The following BBS9 variants were observed in gnomAD, a reference collection of about 807,000 sequenced individuals.
The protein encoded by BBS9 is protein PTHB1.
Under a neutral mutation model 117.7 loss-of-function variants are expected in BBS9, and 89 were observed. That is an observed-to-expected ratio of 0.76 (90% CI 0.64 to 0.90). The LOEUF (loss-of-function observed/expected upper bound fraction) is 0.90. Ranked by LOEUF, BBS9 falls within the 40% of genes least tolerant of loss-of-function variation. The probability of loss-of-function intolerance (pLI) is 0.00; values close to 1 mark genes in which losing one functional copy is unlikely to be tolerated. For synonymous variants in BBS9, 379 were observed against 370.9 expected, an observed-to-expected ratio of 1.02 and a Z score of -0.25; for missense variants, 982 against 1,042.2, an observed-to-expected ratio of 0.94 and a Z score of 0.80.
At chr7:33,130,832 A>AT (rs1250112927) in intron 1 of BBS9, among the ~76,000 whole-genome samples, 1 of 152,066 alleles carries the variant, frequency 6.6e-6, no homozygotes, top group Non-Finnish European at 1.5e-5. Context: ...AGTTTAAGGG[A>AT]TTTTTCCTTG....
chr7:33,605,055 A>G, intron 22 of BBS9, 80 bp downstream of exon 22: 1 of 1,467,178 alleles, frequency 6.8e-7, no homozygotes, highest in Non-Finnish European at 9.6e-7. Context: ...CATACCAGAG[A>G]GCATTCCGCA....
intron 5 of BBS9, among the ~76,000 whole-genome samples, chr7:33,230,225 CT>C (rs1223294895): frequency 6.6e-6 from 1 of 151,962 alleles, no homozygotes; most frequent in East Asian, 1.9e-4. Context: ...TGATTGTTTC[CT>C]TTGCTGTATA....
intron 20 of BBS9, among the ~76,000 whole-genome samples, chr7:33,526,749 G>A (rs538308416): frequency 1.4e-4 from 21 of 151,324 alleles, no homozygotes; most frequent in African/African-American, 3.7e-4. Flanking sequence ...CTCTCAGCTC[G>A]TCAAAGTCAT....
At position 33,372,267 on chromosome 7, in the gene BBS9, A is replaced by G. The variant is rs370201143; in HGVS notation, c.1789+4405A>G. Reference sequence around the variant, plus strand: ...CAATGGGGACAAAGATTTCAAGAAAATGAGGTATCACAGTTGTGGATATTG... The same window carrying G: ...CAATGGGGACAAAGATTTCAAGAAAGTGAGGTATCACAGTTGTGGATATTG... On this transcript the variant is annotated intron_variant, in intron 17 of 22. Coordinates refer to ENST00000242067, the MANE Select transcript of BBS9 (RefSeq NM_198428.3). Among the ~76,000 whole-genome samples, 6 of 152,276 alleles carry G rather than the reference A, an allele frequency of 3.9e-5. No homozygotes were observed. In the East Asian group the frequency reaches 7.7e-4, roughly 20 times the overall value.
chr7:33,406,336 G>T (rs1584694653), intron 19 of BBS9, among the ~76,000 whole-genome samples: 1 of 152,160 alleles, frequency 6.6e-6, no homozygotes, highest in Non-Finnish European at 1.5e-5. Context: ...GGGGTGGAGA[G>T]TTCTGTAGAT....
At chr7:33,407,823 G>T (rs186508966) in intron 19 of BBS9, among the ~76,000 whole-genome samples, 1 of 152,356 alleles carries the variant, frequency 6.6e-6, no homozygotes, top group African/African-American at 2.4e-5. Context: ...ACCCGGCCAT[G>T]TGAGGTGTCA....
intron 21 of BBS9, among the ~76,000 whole-genome samples, chr7:33,582,786 A>G (rs1860204912): frequency 6.6e-6 from 1 of 152,082 alleles, no homozygotes; most frequent in Non-Finnish European, 1.5e-5. Flanking sequence ...ACTTTTCTTA[A>G]TTTAAACTTG....
chr7:33,476,413 A>G (rs1841812466), intron 19 of BBS9, among the ~76,000 whole-genome samples: 1 of 152,216 alleles, frequency 6.6e-6, no homozygotes, highest in Non-Finnish European at 1.5e-5. Context: ...GCTGGGAGGC[A>G]CTGGGAGGAG....
intron 20 of BBS9, among the ~76,000 whole-genome samples, chr7:33,521,811 A>C (rs1394832956): frequency 2.0e-5 from 3 of 151,200 alleles, no homozygotes; most frequent in African/African-American, 4.9e-5. Flanking sequence ...TTAGTTACAT[A>C]TGTATACATG....
At chr7:33,210,317 G>A (rs1787772180) in intron 5 of BBS9, among the ~76,000 whole-genome samples, 1 of 152,306 alleles carries the variant, frequency 6.6e-6, no homozygotes, top group Admixed American at 6.5e-5. Flanking sequence ...CTAACATATG[G>A]TCTGTCCTTG....
chr7:33,415,408 G>A (rs575138959), intron 19 of BBS9, among the ~76,000 whole-genome samples: 3 of 152,174 alleles, frequency 2.0e-5, no homozygotes, highest in South Asian at 2.1e-4. Context: ...CTTGGTCTTG[G>A]ATTGAGAGCT....
intron 5 of BBS9, among the ~76,000 whole-genome samples, chr7:33,225,959 A>G (rs1476037146): frequency 6.6e-6 from 1 of 152,192 alleles, no homozygotes; most frequent in Admixed American, 6.5e-5. Flanking sequence ...ATATGCACAC[A>G]TTTGTATATA....
intron 19 of BBS9, among the ~76,000 whole-genome samples, chr7:33,403,975 C>T (rs2128798835): frequency 6.6e-6 from 1 of 152,302 alleles, no homozygotes; most frequent in Non-Finnish European, 1.5e-5. Flanking sequence ...TCTCCAGCAC[C>T]TGTTGTTTCC....
chr7:33,502,735 C>G (rs891276508), intron 19 of BBS9, among the ~76,000 whole-genome samples: 1 of 152,106 alleles, frequency 6.6e-6, no homozygotes, highest in Non-Finnish European at 1.5e-5. Flanking sequence ...GTAGTATGCC[C>G]ATCTCTGAAC....
chr7:33,286,476 CAT>C (rs1285685098), intron 9 of BBS9, among the ~76,000 whole-genome samples: 2 of 152,128 alleles, frequency 1.3e-5, no homozygotes, highest in Non-Finnish European at 2.9e-5. Flanking sequence ...TTAGAAAACA[CAT>C]GTGATTTAAC....
At position 33,344,650 on chromosome 7, in the gene BBS9, T is replaced by G. The variant is rs781370144; in HGVS notation, c.1329+16T>G. 1.1e-5 allele frequency: 17 copies of G among 1,611,988 alleles called. No individual in the cohort carries two copies. Among genetic ancestry groups the G allele is most frequent in the Non-Finnish European group, 1.4e-5 (17 of 1,178,068 alleles). The stretch of plus-strand genomic sequence containing the variant: ...CACGGTGAAGGTATTGTACCAGATT[T>G]TAGACTGTAATGTGCAAACAATATG... On this transcript the variant is annotated intron_variant, in intron 12 of 22. Transcript: ENST00000242067.
At chr7:33,600,531 C>T (rs940870550) in intron 21 of BBS9, among the ~76,000 whole-genome samples, 5 of 151,944 alleles carry the variant, frequency 3.3e-5, no homozygotes, top group South Asian at 4.2e-4. Context: ...CTAGCAGGCC[C>T]GACTCTGCAT....
At chr7:33,542,171 G>C (rs1343544975) in intron 21 of BBS9, among the ~76,000 whole-genome samples, 1 of 151,848 alleles carries the variant, frequency 6.6e-6, no homozygotes, top group Non-Finnish European at 1.5e-5. Flanking sequence ...TGCAACCTCT[G>C]CCTCCTGGAT....
chr7:33,298,875 G>A (rs1283642580), intron 9 of BBS9, among the ~76,000 whole-genome samples: 1 of 152,200 alleles, frequency 6.6e-6, no homozygotes, highest in Non-Finnish European at 1.5e-5. Flanking sequence ...CCTTGATGCA[G>A]TATAAAGGAA....
Sources: gnomAD v4.1 joint callset for allele counts (sites outside exome capture counted in the v4.1 genomes callset) on GRCh38, gnomAD v4.1.1 for gene constraint, MANE v1.5 for transcripts, NCBI Gene and HGNC (gene_info 2026-07-23, HGNC 2026-07-21) for gene names.